Variants in ARHGAP10 observed in about 807,000 individuals in gnomAD.
ARHGAP10 encodes rho GTPase-activating protein 10.
In ARHGAP10, 87 loss-of-function variants were observed where a neutral mutation model predicts 108.6. That is an observed-to-expected ratio of 0.80 (90% CI 0.67 to 0.96). ARHGAP10 has a LOEUF of 0.96. Ranked by LOEUF, ARHGAP10 falls within the 40% of genes least tolerant of loss-of-function variation. The pLI, the probability that ARHGAP10 is intolerant of heterozygous loss-of-function variation, is 0.00. For missense variants in ARHGAP10, 939 were observed against 954.5 expected, an observed-to-expected ratio of 0.98 and a Z score of 0.21; for synonymous variants, 347 against 341.1, an observed-to-expected ratio of 1.02 and a Z score of -0.19.
chr4:148,059,879 A>G (rs143496041), intron 20 of ARHGAP10, among the ~76,000 whole-genome samples: 1 of 152,232 alleles, frequency 6.6e-6, no homozygotes, highest in East Asian at 1.9e-4. Context: ...CTACAAGGCA[A>G]TGCAGCTTGG....
rs189306286 is a variant in ARHGAP10, at chr4:147,957,962, C to T, written c.1450+2588C>T. On this transcript the variant is annotated intron_variant, in intron 16 of 22. Coordinates refer to ENST00000336498, the MANE Select transcript of ARHGAP10 (RefSeq NM_024605.4). ...GAGAAAATTAAGAGAGTTAATGTAA[C>T]TTTCTCCGTTAGCTGAATTCCAAAC... Among the ~76,000 whole-genome samples, 401 of 152,262 alleles carry T rather than the reference C, an allele frequency of 2.6e-3. 2 individuals carry two copies. Among genetic ancestry groups the T allele is most frequent in the African/African-American group, 9.3e-3 (387 of 41,548 alleles).
At chr4:148,014,347 CA>C (rs1741274011) in intron 18 of ARHGAP10, among the ~76,000 whole-genome samples, 1 of 152,066 alleles carries the variant, frequency 6.6e-6, no homozygotes, top group African/African-American at 2.4e-5. Context: ...CTGTGTTTTC[CA>C]AATGTTTGCA....
intron 1 of ARHGAP10, among the ~76,000 whole-genome samples, chr4:147,798,766 T>C (rs1370567298): frequency 2.2e-3 from 18 of 8,026 alleles, no homozygotes; most frequent in African/African-American, 2.6e-3. Flanking sequence ...TCTCTCTCTC[T>C]CTCTCTCTCT....
intron 1 of ARHGAP10, among the ~76,000 whole-genome samples, chr4:147,785,044 T>C (rs1579043975): frequency 7.4e-6 from 1 of 134,496 alleles, no homozygotes; most frequent in Non-Finnish European, 1.5e-5. Context: ...ATATATGCAG[T>C]TGATTCCAAG....
At chr4:147,847,562 G>T (rs1213052093) in intron 4 of ARHGAP10, among the ~76,000 whole-genome samples, 1 of 152,216 alleles carries the variant, frequency 6.6e-6, no homozygotes, top group Non-Finnish European at 1.5e-5. Context: ...TTATGGAGGA[G>T]TGTAGCATTA....
chr4:147,948,011 G>A (rs1738453181), intron 15 of ARHGAP10, among the ~76,000 whole-genome samples: 1 of 149,524 alleles, frequency 6.7e-6, no homozygotes, highest in African/African-American at 2.5e-5. Context: ...CACAATCTTG[G>A]CTCACTGCAA....
chr4:147,945,303 T>G (rs572748445), intron 14 of ARHGAP10, among the ~76,000 whole-genome samples: 43 of 152,300 alleles, frequency 2.8e-4, no homozygotes, highest in African/African-American at 6.3e-4. Flanking sequence ...TTTTTTTTCC[T>G]GGTGCCATAT....
chr4:148,018,958 G>T (rs552459353), intron 18 of ARHGAP10, among the ~76,000 whole-genome samples: 7 of 152,344 alleles, frequency 4.6e-5, no homozygotes, highest in Admixed American at 4.6e-4. Context: ...AACTGCTTAT[G>T]AGAAAGCTTG....
rs1297542169 is a variant in ARHGAP10 at position 148,046,900 on chromosome 4, C to A, written c.1876C>A (p.Pro626Thr). 3.7e-6 allele frequency: 6 copies of A among 1,613,586 alleles called. No homozygotes were observed. The highest frequency in any genetic ancestry group is 1.7e-5 in the Admixed American group (1 of 59,970). The change falls in exon 20 of 23, where the codon CCT becomes ACT. Residue 626 changes from proline to threonine, a missense_variant. Physicochemically the swap from Pro to Thr is conservative, Grantham distance 38. Coordinates refer to ENST00000336498, the MANE Select transcript of ARHGAP10 (RefSeq NM_024605.4). ...GCTTTTTTTCCTCCTAGGTGACAAT[C>A]CTTACCCTTCCAAGGAGGACACCCC... ...LCLELEDGDN[P>T]YPSKEDTPTS...
chr4:148,003,797 T>A (rs1330184021), intron 18 of ARHGAP10, among the ~76,000 whole-genome samples: 18 of 125,018 alleles, frequency 1.4e-4, no homozygotes, highest in Admixed American at 1.4e-3. Context: ...TTTGAGCCTG[T>A]GTGTGTCTCT....
At chr4:147,836,793 G>T (rs183156900) in intron 3 of ARHGAP10, among the ~76,000 whole-genome samples, 57 of 151,468 alleles carry the variant, frequency 3.8e-4, no homozygotes, top group African/African-American at 1.4e-3. Context: ...ATACCATACT[G>T]GGATTTGTTG....
chr4:147,924,653 C>T (rs1305017510), intron 13 of ARHGAP10, among the ~76,000 whole-genome samples: 1 of 152,158 alleles, frequency 6.6e-6, no homozygotes, highest in East Asian at 1.9e-4. Context: ...AGGTCTGTGA[C>T]ATTTTATGGT....
intron 13 of ARHGAP10, among the ~76,000 whole-genome samples, chr4:147,914,478 C>T (rs746377309): frequency 9.9e-5 from 15 of 151,956 alleles, no homozygotes; most frequent in Middle Eastern, 6.3e-3. Context: ...CTGCCTGGGC[C>T]TCCCAAAATA....
At chr4:147,834,462 C>G (rs1030317151) in intron 3 of ARHGAP10, among the ~76,000 whole-genome samples, 2 of 152,088 alleles carry the variant, frequency 1.3e-5, no homozygotes, top group South Asian at 4.1e-4. Context: ...TAGAGTGAGA[C>G]CCCATCTCAA....
intron 16 of ARHGAP10, among the ~76,000 whole-genome samples, chr4:147,955,643 C>A (rs1005892142): frequency 6.6e-6 from 1 of 152,038 alleles, no homozygotes; most frequent in Non-Finnish European, 1.5e-5. Flanking sequence ...TGAGACAATT[C>A]TATAGCAAGT....
intron 1 of ARHGAP10, among the ~76,000 whole-genome samples, chr4:147,796,791 C>T (rs1488760979): frequency 3.9e-5 from 6 of 152,196 alleles, no homozygotes; most frequent in Admixed American, 2.6e-4. Flanking sequence ...TCTTAAAGTG[C>T]TGGGATTACA....
At chr4:148,027,165 A>G (rs568016567) in intron 19 of ARHGAP10, among the ~76,000 whole-genome samples, 1 of 152,240 alleles carries the variant, frequency 6.6e-6, no homozygotes, top group Non-Finnish European at 1.5e-5. Flanking sequence ...TCTTCATGCT[A>G]GTTCTAATTT....
intron 1 of ARHGAP10, among the ~76,000 whole-genome samples, chr4:147,788,148 A>T (rs74430061): frequency 4.6e-5 from 7 of 151,296 alleles, no homozygotes; most frequent in African/African-American, 1.5e-4. Flanking sequence ...TTTTTTTTTT[A>T]AAAAGCGTTT....
chr4:147,879,694 A>C (rs1735248315), intron 9 of ARHGAP10, among the ~76,000 whole-genome samples: 1 of 150,794 alleles, frequency 6.6e-6, no homozygotes, highest in South Asian at 2.1e-4. Context: ...TCCCTCCCCT[A>C]GCCCCCAGCC....
Sources: gnomAD v4.1 joint callset for allele counts (sites outside exome capture counted in the v4.1 genomes callset) on GRCh38, gnomAD v4.1.1 for gene constraint, MANE v1.5 for transcripts, NCBI Gene and HGNC (gene_info 2026-07-23, HGNC 2026-07-21) for gene names.